The following CSMD2 variants were observed in gnomAD, a reference collection of about 807,000 sequenced individuals.
The protein encoded by CSMD2 is CUB and sushi domain-containing protein 2.
Under a neutral mutation model 398.5 loss-of-function variants are expected in CSMD2, and 130 were observed. The ratio of observed to expected loss-of-function variants is 0.33; its 90% CI spans 0.28 to 0.38. The LOEUF is 0.38. CSMD2 is among the 10% of genes least tolerant of loss of function. The pLI, the probability that CSMD2 is intolerant of heterozygous loss-of-function variation, is 1.00. For missense variants in CSMD2, 3,829 were observed against 4,764.9 expected (o/e 0.80, Z 5.78); for synonymous variants, 1,828 against 1,908.5 (o/e 0.96, Z 1.10).
intron 26 of CSMD2, among the ~76,000 whole-genome samples, chr1:33,660,644 G>A (rs1644100345): frequency 6.6e-6 from 1 of 152,220 alleles, no homozygotes; most frequent in African/African-American, 2.4e-5. Context: ...CACTGGGCCA[G>A]GCTGTCATGA....
chr1:33,678,266 A>G (rs1644786415), intron 25 of CSMD2, among the ~76,000 whole-genome samples: 1 of 151,324 alleles, frequency 6.6e-6, no homozygotes, highest in Admixed American at 6.6e-5. Flanking sequence ...TGCTTCTTGT[A>G]CAGCTTGTAG....
At chr1:33,604,016 A>G (rs905537888) in intron 42 of CSMD2, among the ~76,000 whole-genome samples, 1 of 152,222 alleles carries the variant, frequency 6.6e-6, no homozygotes, top group African/African-American at 2.4e-5. Flanking sequence ...CATGTGTGCT[A>G]TATTAAGGGG....
chr1:33,924,535 C>T (rs1644058178), intron 4 of CSMD2, among the ~76,000 whole-genome samples: 1 of 152,124 alleles, frequency 6.6e-6, no homozygotes, highest in Non-Finnish European at 1.5e-5. Flanking sequence ...CATTGATTTC[C>T]TTTCCTTTGG....
intron 13 of CSMD2, among the ~76,000 whole-genome samples, chr1:33,757,099 T>A (rs893420540): frequency 6.6e-6 from 1 of 151,566 alleles, no homozygotes; most frequent in Admixed American, 6.6e-5. Context: ...TAGGTGGGAA[T>A]TGAACAATGA....
intron 44 of CSMD2, chr1:33,600,059 T>A (rs1276386722): frequency 3.1e-6 from 2 of 655,420 alleles, no homozygotes; most frequent in East Asian, 5.5e-5. Context: ...GGTTAGAATA[T>A]TTGCCTTACT....
chr1:33,828,500 G>A (rs571454794), intron 6 of CSMD2, among the ~76,000 whole-genome samples: 6 of 152,256 alleles, frequency 3.9e-5, no homozygotes, highest in African/African-American at 7.2e-5. Flanking sequence ...AGTCTTCATC[G>A]TCTCCTTGTC....
At chr1:33,580,983 G>T in intron 47 of CSMD2, 84 bp from the exon 48 acceptor site, 1 of 1,426,210 alleles carries the variant, frequency 7.0e-7, no homozygotes, top group Non-Finnish European at 9.6e-7. Flanking sequence ...TCAGAGGGTG[G>T]GGTGACTTGT....
chr1:33,519,502 C>T lies in CSMD2; in HGVS notation c.*16G>A, dbSNP rs779447156. Reference sequence around the variant, plus strand: ...GCGGGGCTCTCGGTGGCGGTGGTGGCGGCCAGGCCGGGTGGCTATACTGCT... The same window carrying T: ...GCGGGGCTCTCGGTGGCGGTGGTGGTGGCCAGGCCGGGTGGCTATACTGCT... On this transcript the variant is annotated 3_prime_UTR_variant, in exon 70 of 71. Transcript: ENST00000373381. The surrounding 1 kb of genome is among the most constrained non-coding windows in gnomAD (Gnocchi z 5.6). 7.8e-5 allele frequency: 126 copies of T among 1,608,852 alleles called. No individual in the cohort carries two copies. The Admixed American group carries it at 8.7e-4, about 11-fold the overall frequency.
At chr1:34,036,389 G>A (rs1346075256) in intron 2 of CSMD2, among the ~76,000 whole-genome samples, 1 of 152,126 alleles carries the variant, frequency 6.6e-6, no homozygotes, top group Non-Finnish European at 1.5e-5. Context: ...AGGTCATTAA[G>A]CCAAGTAGGG....
intron 29 of CSMD2, among the ~76,000 whole-genome samples, chr1:33,640,746 T>C (rs921490498): frequency 6.6e-6 from 1 of 152,264 alleles, no homozygotes; most frequent in Non-Finnish European, 1.5e-5. Flanking sequence ...ATATCTTATA[T>C]GCTTATATAT....
At chr1:33,991,573 A>T (rs1213359052) in intron 3 of CSMD2, among the ~76,000 whole-genome samples, 1 of 152,202 alleles carries the variant, frequency 6.6e-6, no homozygotes, top group Non-Finnish European at 1.5e-5. Context: ...ACAGGATCAA[A>T]GTCAGCTTAC....
At chr1:33,525,104 G>A in intron 65 of CSMD2, 61 bp from the exon 66 acceptor site, 2 of 1,555,990 alleles carry the variant, frequency 1.3e-6, no homozygotes, top group Non-Finnish European at 1.8e-6. Flanking sequence ...AATTGGGGTA[G>A]CCTGATGACT....
In CSMD2 at chr1:33,982,742, G is replaced by A. The variant is rs186309749; in HGVS notation, c.518-46788C>T. ...GGTGCACAGGCAGAGATGACCGCAA[G>A]GGCATGGCACCCTCAAGGCGCTGGA... On this transcript the variant is annotated intron_variant, in intron 3 of 70. Coordinates refer to ENST00000373381, the MANE Select transcript of CSMD2 (RefSeq NM_001281956.2). Among the ~76,000 whole-genome samples, 354 of 152,294 alleles carry A rather than the reference G, an allele frequency of 2.3e-3. 5 individuals carry two copies. The highest frequency in any genetic ancestry group is 1.5e-3 in the Non-Finnish European group (100 of 68,012).
intron 15 of CSMD2, among the ~76,000 whole-genome samples, chr1:33,732,397 G>A (rs1166340209): frequency 6.6e-6 from 1 of 152,180 alleles, no homozygotes; most frequent in East Asian, 1.9e-4. Context: ...CCTTTCAGGA[G>A]GTAAATAAGG....
At chr1:34,063,446 T>C (rs1390676607) in intron 2 of CSMD2, among the ~76,000 whole-genome samples, 3 of 152,068 alleles carry the variant, frequency 2.0e-5, no homozygotes, top group African/African-American at 4.8e-5. Flanking sequence ...ATGGGAGAAA[T>C]TGGCCAAAAC....
Position 33,724,291 on chromosome 1 carries a change from T to C in CSMD2, c.2907A>G (p.Gln969=). ...GCGACAAGATGGTCCCACTGGAGCC[T>C]TGAATGAAGCCACCACAGAGAGCTA... ...SCEALCGGFI[Q]GSSGTILSPG... The change falls in exon 19 of 71, where the codon CAA becomes CAG. Residue 969 remains glutamine (Q), a synonymous_variant. Transcript: ENST00000373381. The C allele has an allele frequency of 6.2e-7, 1 of 1,613,830 alleles. No homozygotes were observed. Among genetic ancestry groups the C allele is most frequent in the Non-Finnish European group, 8.5e-7 (1 of 1,179,834 alleles).
intron 26 of CSMD2, among the ~76,000 whole-genome samples, 183 bp downstream of exon 26, chr1:33,662,707 T>A (rs377482636): frequency 1.3e-5 from 2 of 152,258 alleles, no homozygotes; most frequent in South Asian, 4.1e-4. Flanking sequence ...CCACCTGTCT[T>A]CCCTACCAGA....
At chr1:33,980,743 C>G (rs768269520) in intron 3 of CSMD2, among the ~76,000 whole-genome samples, 4 of 152,180 alleles carry the variant, frequency 2.6e-5, no homozygotes, top group Non-Finnish European at 4.4e-5. Context: ...AGGCAGTCAT[C>G]AGAAAGCCCA....
chr1:33,612,247 T>C (rs1354566971), intron 40 of CSMD2, among the ~76,000 whole-genome samples: 1 of 152,242 alleles, frequency 6.6e-6, no homozygotes, highest in Non-Finnish European at 1.5e-5. Flanking sequence ...AATTGGCTTA[T>C]CTGTGCTATC....
Sources: gnomAD v4.1 joint callset for allele counts (sites outside exome capture counted in the v4.1 genomes callset) on GRCh38, gnomAD v4.1.1 for gene constraint, Gnocchi (gnomAD v3.1) non-coding constraint, MANE v1.5 for transcripts, NCBI Gene and HGNC (gene_info 2026-07-23, HGNC 2026-07-21) for gene names.